HSD3B2: variants seen among roughly 807,000 people sequenced by gnomAD.
HSD3B2 encodes 3 beta-hydroxysteroid dehydrogenase/Delta 5-->4-isomerase type 2.
In HSD3B2, 8 loss-of-function variants were observed where a neutral mutation model predicts 9.9. The ratio of observed to expected loss-of-function variants is 0.81; its 90% CI spans 0.47 to 1.46. The LOEUF (loss-of-function observed/expected upper bound fraction) is 1.46, where lower values mean the gene tolerates loss of function less well. Ranked by LOEUF, HSD3B2 falls within the 40% of genes most tolerant of loss-of-function variation. HSD3B2 has a pLI of 0.00. For synonymous variants in HSD3B2, 221 were observed against 184.5 expected (o/e 1.20, Z -1.60); for missense variants, 410 against 448.3 (o/e 0.91, Z 0.77).
intron 2 of HSD3B2, among the ~76,000 whole-genome samples, 167 bp from the exon 3 acceptor site, chr1:119,419,251 G>A (rs587612490): frequency 6.6e-6 from 1 of 152,318 alleles, no homozygotes; most frequent in South Asian, 2.1e-4. Flanking sequence ...TACACATGCT[G>A]ATTTCTGTGC....
chr1:119,415,607 G>C lies in HSD3B2; in HGVS notation c.142+46G>C, dbSNP rs1040254040. 5 of 1,604,694 alleles carry C rather than the reference G, an allele frequency of 3.1e-6. No homozygotes were observed. In the African/African-American group the frequency reaches 5.4e-5, roughly 17 times the overall value. ...GGTCTGTGGCTCCATCTTAAACTCT[G>C]CATGGGTGTGGGGAGGTTGACCTTG... is the stretch of plus-strand genomic sequence containing the variant. On this transcript the variant is annotated intron_variant, in intron 2 of 3. Coordinates refer to ENST00000369416, the MANE Select transcript of HSD3B2 (RefSeq NM_000198.4).
At chr1:119,421,084 T>G (rs1007599698) in intron 3 of HSD3B2, among the ~76,000 whole-genome samples, 3 of 152,112 alleles carry the variant, frequency 2.0e-5, no homozygotes, top group Non-Finnish European at 2.9e-5. Context: ...CAAAGTTTTA[T>G]TAATCCATTG....
rs754667919 is a variant in HSD3B2, at chr1:119,415,577, T to A, written c.142+16T>A. The stretch of plus-strand genomic sequence containing the variant: ...GAATTTTCTAGTAAGTAAACTTGAG[T>A]CATGGGTCTGTGGCTCCATCTTAAA... On this transcript the variant is annotated intron_variant, in intron 2 of 3. Transcript: ENST00000369416. 2 of 1,613,178 alleles carry A rather than the reference T, an allele frequency of 1.2e-6. No individual in the cohort carries two copies. The highest frequency in any genetic ancestry group is 2.2e-5 in the South Asian group (2 of 91,040).
intron 2 of HSD3B2, among the ~76,000 whole-genome samples, chr1:119,416,715 C>G (rs1259186930): frequency 6.6e-6 from 1 of 152,186 alleles, no homozygotes; most frequent in Non-Finnish European, 1.5e-5. Context: ...ACAGAAGCTC[C>G]CCTTGACACT....
Position 119,419,584 on chromosome 1 carries a change from TAC to T in HSD3B2, c.307+4_307+5del. The T allele has an allele frequency of 6.2e-7, 1 of 1,613,578 alleles. No individual in the cohort carries two copies. Among genetic ancestry groups the T allele is most frequent in the East Asian group, 2.2e-5 (1 of 44,836 alleles). On this transcript the variant is annotated splice_donor_region_variant and intron_variant, in intron 3 of 3. Transcript: ENST00000369416. Reference sequence around the variant, plus strand: ...CCATCATGAATGTCAATGTGAAAGGTACAGTAGCCTGGGGAGGAGATAAAACA... The same window carrying T: ...CCATCATGAATGTCAATGTGAAAGGTAGTAGCCTGGGGAGGAGATAAAACA...
chr1:119,419,371 A>T (rs1651797292), intron 2 of HSD3B2, 47 bp from the exon 3 acceptor site: 2 of 1,604,902 alleles, frequency 1.2e-6, no homozygotes, highest in Admixed American at 1.7e-5. Context: ...AAAACTTCCC[A>T]GCCAGATCCA....
At chr1:119,421,407 ATATATATATG>A (rs1249443165) in intron 3 of HSD3B2, among the ~76,000 whole-genome samples, 43 of 36,944 alleles carry the variant, frequency 1.2e-3, no homozygotes, top group Non-Finnish European at 1.4e-3. Context: ...ATATATGTAT[ATATATATATG>A]TATATATATG....
Position 119,419,274 on chromosome 1 carries a change from G to C in HSD3B2, c.143-144G>C, listed in dbSNP as rs989828089. The C allele has an allele frequency of 2.4e-5, 18 of 764,160 alleles. No homozygotes were observed. The African/African-American group carries it at 2.4e-4, about 10-fold the overall frequency. The allele number at this position is 764,160 out of a possible 1,614,324, so 47.3% of individuals were successfully genotyped here. ...CTGATTTCTGTGCTTTTGTTTACTT[G>C]TTCCTTTTATGGAATGTAGTACACC... is the stretch of plus-strand genomic sequence containing the variant. On this transcript the variant is annotated intron_variant, in intron 2 of 3. Coordinates refer to ENST00000369416, the MANE Select transcript of HSD3B2 (RefSeq NM_000198.4).
Position 119,421,992 on chromosome 1 carries a change from C to T in HSD3B2, c.491C>T (p.Ala164Val), listed in dbSNP as rs34562248. Residue 164 changes from alanine to valine, a missense_variant, in exon 4 of 4, where the codon GCT (alanine) becomes GTT (valine). Physicochemically the swap from Ala to Val is moderately conservative, Grantham distance 64. Transcript: ENST00000369416. ...YPYSKKLAEK[A>V]VLAANGWNLK... Reference sequence around the variant, plus strand: ...TACAGCAAAAAGCTTGCTGAGAAGGCTGTGCTGGCGGCTAATGGGTGGAAT... The same window carrying T: ...TACAGCAAAAAGCTTGCTGAGAAGGTTGTGCTGGCGGCTAATGGGTGGAAT... 3 of 1,614,104 alleles carry T rather than the reference C, an allele frequency of 1.9e-6. No homozygotes were observed. The highest frequency in any genetic ancestry group is 1.7e-5 in the Admixed American group (1 of 60,016).
intron 2 of HSD3B2, among the ~76,000 whole-genome samples, chr1:119,416,647 G>GA (rs998434394): frequency 1.3e-5 from 2 of 152,128 alleles, no homozygotes; most frequent in Non-Finnish European, 2.9e-5. Flanking sequence ...GGGACTGGGG[G>GA]AACTATGTAT....
At chr1:119,415,072 T>C, upstream of HSD3B2, 1 of 344,966 alleles carries the variant, frequency 2.9e-6, no homozygotes, top group Non-Finnish European at 5.6e-6. Context: ...GAGCAATGAG[T>C]ATGTGGCAGG....
Position 119,422,035 on chromosome 1 carries a change from C to G in HSD3B2, c.534C>G (p.Thr178=), listed in dbSNP as rs751443478. Residue 178 remains threonine (T), a synonymous_variant, in exon 4 of 4, where the codon ACC becomes ACG. Transcript: ENST00000369416. ...ANGWNLKNGD[T]LYTCALRPTY... The stretch of plus-strand genomic sequence containing the variant: ...GGTGGAATCTAAAAAATGGTGATAC[C>G]TTGTACACTTGTGCGTTAAGACCCA... The G allele has an allele frequency of 6.2e-6, 10 of 1,613,946 alleles. No homozygotes were observed. Among genetic ancestry groups the G allele is most frequent in the Non-Finnish European group, 8.5e-6 (10 of 1,179,990 alleles).
At chr1:119,419,353 T>A in intron 2 of HSD3B2, 65 bp from the exon 3 acceptor site, 2 of 1,531,498 alleles carry the variant, frequency 1.3e-6, no homozygotes, top group Non-Finnish European at 1.8e-6. Flanking sequence ...TAACATCGCC[T>A]TTATCAGAAA....
Position 119,422,530 on chromosome 1 carries a change from C to T in HSD3B2, c.1029C>T (p.Tyr343=), listed in dbSNP as rs35849160. The change falls in exon 4 of 4, where the codon TAC becomes TAT. Residue 343 remains tyrosine, a synonymous_variant. Coordinates refer to ENST00000369416, the MANE Select transcript of HSD3B2 (RefSeq NM_000198.4). ...GAGATCTGGCGTATAAGCCACTCTA[C>T]AGCTGGGAGGAAGCCAAGCAGAAAA... is the stretch of plus-strand genomic sequence containing the variant. The part of the protein sequence containing the change: ...AQRDLAYKPL[Y]SWEEAKQKTV... 9 of 1,613,994 alleles carry T rather than the reference C, an allele frequency of 5.6e-6. No homozygotes were observed. Among genetic ancestry groups the T allele is most frequent in the East Asian group, 2.2e-5 (1 of 44,868 alleles).
chr1:119,418,700 A>G (rs1338845260), intron 2 of HSD3B2, among the ~76,000 whole-genome samples: 1 of 151,392 alleles, frequency 6.6e-6, no homozygotes, highest in Non-Finnish European at 1.5e-5. Context: ...CACTGAGGCT[A>G]GCATGCAGTG....
At chr1:119,418,946 C>G (rs1165824783) in intron 2 of HSD3B2, among the ~76,000 whole-genome samples, 1 of 152,054 alleles carries the variant, frequency 6.6e-6, no homozygotes, top group Admixed American at 6.6e-5. Flanking sequence ...CCACTGCACC[C>G]GGCCTGTTTC....
intron 3 of HSD3B2, among the ~76,000 whole-genome samples, chr1:119,420,221 CA>C (rs1369205465): frequency 6.6e-6 from 1 of 152,154 alleles, no homozygotes; most frequent in African/African-American, 2.4e-5. Flanking sequence ...CATTTCCTGC[CA>C]GGTGCCCAAA....
intron 2 of HSD3B2, chr1:119,417,425 G>C (rs935411058): frequency 4.6e-5 from 7 of 152,214 alleles, no homozygotes; most frequent in Non-Finnish European, 1.5e-5. Context: ...CTTCTGCTAT[G>C]AAATGGCAAT....
intron 3 of HSD3B2, among the ~76,000 whole-genome samples, chr1:119,421,526 T>TACAC (rs750057057): frequency 1.1e-4 from 15 of 138,540 alleles, no homozygotes; most frequent in East Asian, 8.2e-4. Context: ...CACGTATACA[T>TACAC]ACACACACAC....
Sources: allele counts gnomAD v4.1 joint callset (sites outside exome capture counted in the v4.1 genomes callset), GRCh38; gene constraint gnomAD v4.1.1; transcripts MANE v1.5; gene names NCBI Gene and HGNC (gene_info 2026-07-23, HGNC 2026-07-21).